The following TMEM235 variants were observed in gnomAD, a reference collection of about 807,000 sequenced individuals.
TMEM235 encodes the protein claudin-27.
TMEM235 carries 23 observed loss-of-function variants against 22.9 expected under a neutral mutation model. That is an observed-to-expected ratio of 1.00 (90% CI 0.72 to 1.42). The LOEUF is 1.42. Ranked by LOEUF, TMEM235 falls within the 40% of genes most tolerant of loss-of-function variation. The pLI is 0.00. For missense variants in TMEM235, 308 were observed against 299.5 expected (o/e 1.03, Z -0.21); for synonymous variants, 137 against 140.5 (o/e 0.98, Z 0.17).
chr17:78,235,656 A>C (rs1382844452), intron 4 of TMEM235, among the ~76,000 whole-genome samples: 1 of 138,778 alleles, frequency 7.2e-6, no homozygotes, highest in Admixed American at 7.8e-5. Flanking sequence ...GCTGGAGTGC[A>C]GTGGCGCAAT....
At chr17:78,239,693 C>T in intron 5 of TMEM235, 87 bp from the exon 5 acceptor site, 2 of 1,466,638 alleles carry the variant, frequency 1.4e-6, no homozygotes, top group Non-Finnish European at 1.8e-6. Context: ...AAGTAGGTGC[C>T]TGTTAAATGC....
At chr17:78,234,402 C>G in intron 3 of TMEM235, 191 bp from the exon 3 acceptor site, 1 of 862,062 alleles carries the variant, frequency 1.2e-6, no homozygotes, top group Non-Finnish European at 1.9e-6. Flanking sequence ...CTGGGGACGC[C>G]TCCCCTCCTG....
chr17:78,231,974 C>A, exon 2 of TMEM235: 1 of 1,074,666 alleles, frequency 9.3e-7, no homozygotes, highest in Non-Finnish European at 1.1e-6. Flanking sequence ...CCCCCCGCCG[C>A]CCCCGGGGCC....
At chr17:78,235,441 C>T (rs747178954) in intron 4 of TMEM235, among the ~76,000 whole-genome samples, 2 of 152,054 alleles carry the variant, frequency 1.3e-5, no homozygotes, top group Non-Finnish European at 2.9e-5. Flanking sequence ...GCATGCGCCA[C>T]CACACCCAGC....
At chr17:78,235,599 G>GTTT (rs71160277) in intron 4 of TMEM235, among the ~76,000 whole-genome samples, 23,495 of 118,634 alleles carry the variant, frequency 0.2, 3,050 homozygotes, top group Middle Eastern at 0.26. Context: ...GTGCTACATA[G>GTTT]TTTTTTTTTT....
chr17:78,239,508 C>T lies in TMEM235; in HGVS notation c.659+235C>T, dbSNP rs772357318. On this transcript the variant is annotated intron_variant, in intron 5 of 5. Transcript: ENST00000421688. ...GCTTGTTAGGGACTAATTGGTTCAA[C>T]CGCCTCTTAGAGATGAGAAGAGCCA... 1.6e-4 allele frequency among the ~76,000 whole-genome samples: 24 copies of T among 152,300 alleles called. 1 individual carries two copies. Among genetic ancestry groups the T allele is most frequent in the South Asian group, 4.1e-4 (2 of 4,824 alleles).
At position 78,233,993 on chromosome 17, in the gene TMEM235, C is replaced by A; in HGVS notation, c.271+18C>A. ...CCTCATCTGTGAGTCCTGGGTGGGG[C>A]CACCTCCCCATCCTTTCCAAATATT... is the stretch of plus-strand genomic sequence containing the variant. On this transcript the variant is annotated intron_variant, in intron 3 of 5. Coordinates refer to ENST00000421688, the Ensembl canonical transcript of TMEM235. 1 of 1,505,982 alleles carries A rather than the reference C, an allele frequency of 6.6e-7. No individual in the cohort carries two copies. The highest frequency in any genetic ancestry group is 8.9e-7 in the Non-Finnish European group (1 of 1,129,118). 93.3% of individuals were successfully genotyped at this position (1,505,982 alleles called of 1,614,324 possible).
At chr17:78,239,226 G>C in exon 5 of TMEM235, 2 of 1,543,042 alleles carry the variant, frequency 1.3e-6, no homozygotes, top group Non-Finnish European at 1.7e-6. Flanking sequence ...CCCTCAGCCT[G>C]AGCCCCCCAA....
chr17:78,237,525 A>T lies in TMEM235; in HGVS notation c.410-1499A>T, dbSNP rs1453747096. On this transcript the variant is annotated intron_variant, in intron 4 of 5. Coordinates refer to ENST00000421688, the Ensembl canonical transcript of TMEM235. The surrounding 1 kb of genome is among the most constrained non-coding windows in gnomAD (Gnocchi z 4.7). ...GCTTACTCTTCACCTTCATTTTGGG[A>T]GAAAGGCCGTGTCCTCGGCCAGGCT... Among the ~76,000 whole-genome samples, 1 of 152,018 alleles carries T rather than the reference A, an allele frequency of 6.6e-6. No homozygotes were observed.
At chr17:78,231,429 C>T (rs1315476155) in intron 1 of TMEM235, 3 of 1,291,836 alleles carry the variant, frequency 2.3e-6, no homozygotes, top group Non-Finnish European at 3.1e-6. Flanking sequence ...TTTCCTTCCG[C>T]AGCCCCCCGC....
chr17:78,236,035 C>A (rs964185464), intron 4 of TMEM235, among the ~76,000 whole-genome samples: 8 of 152,228 alleles, frequency 5.3e-5, no homozygotes, highest in African/African-American at 1.9e-4. Context: ...CCAGGCGCCC[C>A]CTCCAACACT....
Position 78,239,000 on chromosome 17 carries a change from C to T in TMEM235, c.410-24C>T. On this transcript the variant is annotated intron_variant, in intron 4 of 5. Transcript: ENST00000421688. The surrounding 1 kb of genome is among the most constrained non-coding windows in gnomAD (Gnocchi z 4.3). ...GCCCGCTAGAGCAGACACCGAGCAG[C>T]TGCCCTCCCCATCTCTCCCCCAGGT... is the stretch of plus-strand genomic sequence containing the variant. The T allele has an allele frequency of 6.5e-7, 1 of 1,527,444 alleles. No individual in the cohort carries two copies. 94.6% of individuals were successfully genotyped at this position (1,527,444 alleles called of 1,614,324 possible).
chr17:78,239,172 C>G lies in TMEM235; in HGVS notation c.558C>G (p.Ala186=), dbSNP rs780705224. ...TGGCCCTGGCCTGGGGCTCCTGTGCCTTGGAGGCATTCAGCGGAACCCTCC... is the reference window on the plus strand; with the variant it reads ...TGGCCCTGGCCTGGGGCTCCTGTGCGTTGGAGGCATTCAGCGGAACCCTCC... Residue 186 remains alanine, a synonymous_variant, in exon 5 of 6, where the codon GCC becomes GCG. Coordinates refer to ENST00000421688, the Ensembl canonical transcript of TMEM235. 3.4e-5 allele frequency: 53 copies of G among 1,542,972 alleles called. No homozygotes were observed. The South Asian group carries it at 6.2e-4, about 18-fold the overall frequency.
At chr17:78,234,842 G>A (rs2076625902) in intron 4 of TMEM235, 112 bp downstream of exon 3, 2 of 1,400,462 alleles carry the variant, frequency 1.4e-6, no homozygotes, top group East Asian at 5.0e-5. Flanking sequence ...CTTCTGGGCG[G>A]GTGCTGAGTC....
Position 78,238,342 on chromosome 17 carries a change from C to A in TMEM235, c.410-682C>A, listed in dbSNP as rs2076667051. On this transcript the variant is annotated intron_variant, in intron 4 of 5. Coordinates refer to ENST00000421688, the Ensembl canonical transcript of TMEM235. This position sits in a 1 kb window ranked among gnomAD's most constrained non-coding sequence, Gnocchi z 4.3. ...GAGCGGGAGGGAGGAGAGAGGAGGG[C>A]CCAGGGCAGGCATCCTCCCCTGGGG... Among the ~76,000 whole-genome samples, 1 of 151,890 alleles carries A rather than the reference C, an allele frequency of 6.6e-6. No individual in the cohort carries two copies. The highest frequency in any genetic ancestry group is 1.5e-5 in the Non-Finnish European group (1 of 67,956).
At position 78,234,032 on chromosome 17, in the gene TMEM235, T is replaced by A. The variant is rs878950796; in HGVS notation, c.271+57T>A. On this transcript the variant is annotated intron_variant, in intron 3 of 5. Coordinates refer to ENST00000421688, the Ensembl canonical transcript of TMEM235. ...TTTCCAAATATTCAGGCAAGGCAGA[T>A]CCCAGCCATCCCCATCCCCATCCCG... The A allele has an allele frequency of 2.6e-5, 36 of 1,399,208 alleles. No individual in the cohort carries two copies. In the South Asian group the frequency reaches 4.8e-4, roughly 18 times the overall value. The allele number at this position is 1,399,208 out of a possible 1,614,324, so 86.7% of individuals were successfully genotyped here. A position where few individuals can be genotyped will look rare whatever the true frequency, so the allele number is the denominator to read the frequency against.
intron 4 of TMEM235, 113 bp downstream of exon 3, chr17:78,234,843 G>A: frequency 7.2e-7 from 1 of 1,396,620 alleles, no homozygotes; most frequent in South Asian, 1.4e-5. Flanking sequence ...TTCTGGGCGG[G>A]TGCTGAGTCT....
At chr17:78,234,902 A>T (rs1276362111) in intron 4 of TMEM235, among the ~76,000 whole-genome samples, 172 bp downstream of exon 3, 1 of 152,220 alleles carries the variant, frequency 6.6e-6, no homozygotes, top group Non-Finnish European at 1.5e-5. Flanking sequence ...GAAGGTACCC[A>T]TGTATATTTG....
At chr17:78,231,505 A>C (rs545080332) in exon 2 of TMEM235, 12 of 1,304,158 alleles carry the variant, frequency 9.2e-6, no homozygotes, top group African/African-American at 1.5e-5. Flanking sequence ...GGACTGATAC[A>C]GACCAGGACC....
Sources: gnomAD v4.1 joint callset for allele counts (sites outside exome capture counted in the v4.1 genomes callset) on GRCh38, gnomAD v4.1.1 for gene constraint, Gnocchi (gnomAD v3.1) non-coding constraint, MANE v1.5 for transcripts, NCBI Gene and HGNC (gene_info 2026-07-23, HGNC 2026-07-21) for gene names.